Variants in ADAP1 observed in about 807,000 individuals in gnomAD.
ADAP1 encodes the protein arf-GAP with dual PH domain-containing protein 1.
Under a neutral mutation model 54.9 loss-of-function variants are expected in ADAP1, and 31 were observed. That is an observed-to-expected ratio of 0.56 (90% confidence interval 0.42 to 0.76). The LOEUF (loss-of-function observed/expected upper bound fraction) is 0.76. Among genes scored for constraint, ADAP1 ranks in the 30% least tolerant of loss-of-function variants. The pLI is 0.00. For synonymous variants in ADAP1, 313 were observed against 202.6 expected (o/e 1.55, Z -4.63); for missense variants, 535 against 512.4 (o/e 1.04, Z -0.42).
chr7:903,303 G>A (rs540858712), intron 6 of ADAP1, among the ~76,000 whole-genome samples: 32 of 151,994 alleles, frequency 2.1e-4, no homozygotes, highest in African/African-American at 7.0e-4. Context: ...GGACGGGCAC[G>A]TGGGAGGGGA....
chr7:907,646 A>C (rs1452902608), intron 4 of ADAP1, among the ~76,000 whole-genome samples: 1 of 150,466 alleles, frequency 6.6e-6, no homozygotes, highest in African/African-American at 2.5e-5. Flanking sequence ...CTGCTCTGGA[A>C]CTCTGTGTCC....
In ADAP1 at chr7:933,858, GACC is replaced by G. The variant is rs1191030931; in HGVS notation, c.213+1514_213+1516del. Among the ~76,000 whole-genome samples the G allele has an allele frequency of 2.7e-4, 9 of 33,394 alleles. 1 individual carries two copies. The East Asian group carries it at 3.6e-3, about 13-fold the overall frequency. 21.9% of individuals were successfully genotyped at this position (33,394 alleles called of 152,430 possible). On this transcript the variant is annotated intron_variant, in intron 2 of 10. Transcript: ENST00000265846. ...GGGTCAGTGGTGGTGCAGAGCCGGG[GACC>G]GGGGTCAGTGGTGCTGGAGAGCCGG...
At chr7:919,530 G>A (rs1846076861) in intron 4 of ADAP1, among the ~76,000 whole-genome samples, 1 of 146,100 alleles carries the variant, frequency 6.8e-6, no homozygotes, top group Non-Finnish European at 1.5e-5. Context: ...GAGAGGGAGG[G>A]AGGGAAGGAG....
At chr7:913,054 A>C (rs1380450717) in intron 4 of ADAP1, among the ~76,000 whole-genome samples, 1 of 152,164 alleles carries the variant, frequency 6.6e-6, no homozygotes, top group Non-Finnish European at 1.5e-5. Context: ...CACGTTGCCC[A>C]GGCTGGTGTT....
intron 3 of ADAP1, among the ~76,000 whole-genome samples, chr7:924,984 GGGC>G (rs1403954660): frequency 1.3e-5 from 2 of 152,156 alleles, no homozygotes; most frequent in African/African-American, 4.8e-5. Flanking sequence ...AGAGTACGGG[GGGC>G]CAGGGCGCCA....
Position 898,162 on chromosome 7 carries a change from G to A in ADAP1, c.*759C>T, listed in dbSNP as rs1489560174. Reference sequence around the variant, plus strand: ...TAGGTGAAAAATAAATACACGGCTGGGCCGCCTGCAGCAAGCGCGACAGTG... The same window carrying A: ...TAGGTGAAAAATAAATACACGGCTGAGCCGCCTGCAGCAAGCGCGACAGTG... On this transcript the variant is annotated 3_prime_UTR_variant, in exon 11 of 11. Transcript: ENST00000265846. 6.6e-6 allele frequency: 1 copy of A among 152,406 alleles called. No individual in the cohort carries two copies. Among genetic ancestry groups the A allele is most frequent in the Non-Finnish European group, 1.5e-5 (1 of 68,192 alleles). 9.4% of individuals were successfully genotyped at this position (152,406 alleles called of 1,614,324 possible). A position where few individuals can be genotyped will look rare whatever the true frequency, so the allele number is the denominator to read the frequency against.
At chr7:935,176 G>C (rs932283060) in intron 2 of ADAP1, 199 bp downstream of exon 2, 12 of 770,850 alleles carry the variant, frequency 1.6e-5, no homozygotes, top group Admixed American at 6.2e-5. Context: ...GGTTGGACCC[G>C]GCACGGGGTG....
chr7:906,500 A>AAGGGAG (rs1318800593), intron 4 of ADAP1, among the ~76,000 whole-genome samples: 8 of 13,548 alleles, frequency 5.9e-4, no homozygotes, highest in Non-Finnish European at 9.8e-4. Context: ...GGGAAAGGAG[A>AAGGGAG]AAGGGAGAAA....
intron 4 of ADAP1, among the ~76,000 whole-genome samples, chr7:910,518 G>C (rs1422805961): frequency 6.6e-6 from 1 of 152,216 alleles, no homozygotes; most frequent in Non-Finnish European, 1.5e-5. Context: ...CCACCATACT[G>C]GGGTTGCAGC....
intron 6 of ADAP1, 189 bp from the exon 7 acceptor site, chr7:900,805 C>T: frequency 3.0e-6 from 2 of 655,882 alleles, no homozygotes. Context: ...GCCGGGGCTG[C>T]TACACAGGGG....
chr7:919,574 G>A (rs1001962601), intron 4 of ADAP1, among the ~76,000 whole-genome samples: 1 of 147,868 alleles, frequency 6.8e-6, no homozygotes, highest in African/African-American at 2.5e-5. Context: ...GAGAGAGGAT[G>A]AGATAGACGT....
At chr7:955,279 G>C (rs1479486034), upstream of ADAP1, 3 of 1,548,838 alleles carry the variant, frequency 1.9e-6, no homozygotes, top group Middle Eastern at 1.7e-4. Flanking sequence ...CAAAAAACCT[G>C]GTTTTGATGT....
intron 4 of ADAP1, chr7:905,603 GAAAGGAGAAAGGAGA>G: frequency 4.5e-5 from 2 of 44,834 alleles, no homozygotes; most frequent in Admixed American, 4.2e-4. Flanking sequence ...GGAGAAAGGA[GAAAGGAGAAAGGAGA>G]AAGGGAAAGG....
chr7:905,272 C>T (rs1285435398), intron 4 of ADAP1, 100 bp from the exon 5 acceptor site: 77 of 318,758 alleles, frequency 2.4e-4, no homozygotes, highest in East Asian at 8.3e-4. Flanking sequence ...GGAGAAGACA[C>T]GGGGGACACG....
intron 4 of ADAP1, among the ~76,000 whole-genome samples, chr7:907,320 A>T (rs1741450740): frequency 6.6e-6 from 1 of 152,112 alleles, no homozygotes; most frequent in Non-Finnish European, 1.5e-5. Context: ...AGGCAGAGAT[A>T]TGAGGACAGG....
intron 1 of ADAP1, among the ~76,000 whole-genome samples, chr7:951,884 T>C (rs1250029115): frequency 6.6e-6 from 1 of 152,172 alleles, no homozygotes; most frequent in African/African-American, 2.4e-5. Flanking sequence ...TCACTGCAGC[T>C]TCCAACTCCT....
At chr7:922,698 A>AC (rs908664383) in intron 3 of ADAP1, among the ~76,000 whole-genome samples, 4 of 151,268 alleles carry the variant, frequency 2.6e-5, no homozygotes, top group Non-Finnish European at 5.9e-5. Context: ...TGCGAAAGTG[A>AC]CCCCCCAGGG....
At chr7:901,137 C>T (rs1844789724) in intron 6 of ADAP1, 5 of 424,606 alleles carry the variant, frequency 1.2e-5, no homozygotes, top group South Asian at 5.1e-5. Context: ...AGGGAGCCGC[C>T]CTGGTCCTCT....
chr7:951,846 C>G (rs1847279779), intron 1 of ADAP1, among the ~76,000 whole-genome samples: 1 of 152,210 alleles, frequency 6.6e-6, no homozygotes, highest in Admixed American at 6.5e-5. Context: ...GGGTCTCACT[C>G]TGGCCTAGGC....
Sources: allele counts gnomAD v4.1 joint callset (sites outside exome capture counted in the v4.1 genomes callset), GRCh38; gene constraint gnomAD v4.1.1; transcripts MANE v1.5; gene names NCBI Gene and HGNC (gene_info 2026-07-23, HGNC 2026-07-21).